CNOT4: variants seen among roughly 807,000 people sequenced by gnomAD.
CNOT4 encodes CCR4-associated factor 4.
Under a neutral mutation model 73.8 loss-of-function variants are expected in CNOT4, and 8 were observed. The observed-to-expected ratio is 0.11, with a 90% CI of 0.06 to 0.20. The LOEUF is 0.20. CNOT4 is among the 10% of genes least tolerant of loss of function. The pLI, the probability that CNOT4 is intolerant of heterozygous loss-of-function variation, is 1.00. For synonymous variants in CNOT4, 293 were observed against 321.1 expected (o/e 0.91, Z 0.94); for missense variants, 564 against 883.4 (o/e 0.64, Z 4.58).
At chr7:135,485,503 A>C (rs554719453) in intron 1 of CNOT4, among the ~76,000 whole-genome samples, 2 of 152,382 alleles carry the variant, frequency 1.3e-5, no homozygotes, top group South Asian at 4.1e-4. Context: ...AAGGATAACT[A>C]TACCGCTACA....
chr7:135,462,900 T>C (rs1009555456), intron 1 of CNOT4, among the ~76,000 whole-genome samples: 2 of 152,224 alleles, frequency 1.3e-5, no homozygotes, highest in African/African-American at 4.8e-5. Flanking sequence ...AAGCAACGGA[T>C]TTTAAAGGGA....
Position 135,394,021 on chromosome 7 carries a change from G to C in CNOT4, c.1524C>G (p.Ile508Met). The C allele has an allele frequency of 6.2e-7, 1 of 1,614,072 alleles. No individual in the cohort carries two copies. Among genetic ancestry groups the C allele is most frequent in the Non-Finnish European group, 8.5e-7 (1 of 1,179,908 alleles). ...GGTTTGCTGTGTGGTTCAAGTGCAT[G>C]ATGCTATTGCGTGGAAAGGCCATCC... ...YPWMAFPRNS[I>M]MHLNHTANPT... The change falls in exon 10 of 12, where the codon ATC (isoleucine) becomes ATG (methionine). Residue 508 changes from isoleucine to methionine, a missense_variant. This residue lies in a region of CNOT4 where 153 missense variants were observed against 158.7 expected (regional missense o/e 0.96). Transcript: ENST00000541284.
chr7:135,484,844 T>C (rs1294325714), intron 1 of CNOT4, among the ~76,000 whole-genome samples: 1 of 152,126 alleles, frequency 6.6e-6, no homozygotes, highest in African/African-American at 2.4e-5. Flanking sequence ...ACAATGCTAT[T>C]CACAATTGCT....
rs539715716 is a variant in CNOT4 at position 135,437,282 on chromosome 7, C to T, written c.174+876G>A. Among the ~76,000 whole-genome samples the T allele has an allele frequency of 3.9e-5, 6 of 152,174 alleles. No homozygotes were observed. The East Asian group carries it at 5.8e-4, about 15-fold the overall frequency. ...TCGGCTCACTGCAAGCTCCGCCTTCCGGGTTCACGCCATTCTCCTGCCTCA... is the reference window on the plus strand; with the variant it reads ...TCGGCTCACTGCAAGCTCCGCCTTCTGGGTTCACGCCATTCTCCTGCCTCA... On this transcript the variant is annotated intron_variant, in intron 2 of 11. Coordinates refer to ENST00000541284, the MANE Select transcript of CNOT4 (RefSeq NM_001190850.2).
intron 1 of CNOT4, among the ~76,000 whole-genome samples, chr7:135,443,106 T>G (rs1404685022): frequency 6.6e-6 from 1 of 151,052 alleles, no homozygotes; most frequent in Non-Finnish European, 1.5e-5. Flanking sequence ...ACCCCAGCAC[T>G]TTTGGAGGCC....
At chr7:135,440,410 C>A (rs974604886) in intron 1 of CNOT4, among the ~76,000 whole-genome samples, 12 of 151,460 alleles carry the variant, frequency 7.9e-5, no homozygotes, top group African/African-American at 2.9e-4. Flanking sequence ...GATCAATGAT[C>A]TAGCGCCTCT....
chr7:135,485,626 G>T (rs1802668829), intron 1 of CNOT4, among the ~76,000 whole-genome samples: 1 of 152,052 alleles, frequency 6.6e-6, no homozygotes, highest in Non-Finnish European at 1.5e-5. Context: ...TCGCAATGAT[G>T]CACAAGCAAT....
intron 1 of CNOT4, among the ~76,000 whole-genome samples, chr7:135,502,752 G>T (rs191494047): frequency 6.8e-6 from 1 of 147,186 alleles, no homozygotes; most frequent in African/African-American, 2.5e-5. Context: ...GGAGGTGGAG[G>T]TTGCAGTGAG....
chr7:135,387,517 A>C (rs1412435056), intron 10 of CNOT4: 1 of 974,728 alleles, frequency 1.0e-6, no homozygotes, highest in Non-Finnish European at 1.2e-6. Context: ...TTCAATCTCT[A>C]GGCTTCTTTT....
chr7:135,414,193 T>A, intron 5 of CNOT4, 138 bp downstream of exon 5: 1 of 448,034 alleles, frequency 2.2e-6, no homozygotes, highest in Non-Finnish European at 3.9e-6. Context: ...TTAGCTATAA[T>A]AGATGGTATG....
At chr7:135,386,862 G>C (rs769352756) in intron 10 of CNOT4, 10 of 155,588 alleles carry the variant, frequency 6.4e-5, no homozygotes, top group South Asian at 2.0e-4. Context: ...CTATGAATGA[G>C]AAAGGAAAGA....
At chr7:135,438,641 T>G (rs1008627894) in intron 1 of CNOT4, among the ~76,000 whole-genome samples, 1 of 152,176 alleles carries the variant, frequency 6.6e-6, no homozygotes, top group African/African-American at 2.4e-5. Context: ...AAAAAAGAAC[T>G]TCCCTTTTTT....
intron 8 of CNOT4, among the ~76,000 whole-genome samples, chr7:135,396,608 T>C (rs2129483486): frequency 6.6e-6 from 1 of 152,330 alleles, no homozygotes; most frequent in African/African-American, 2.4e-5. Flanking sequence ...AAGAAAGATC[T>C]AATTAAGTTG....
At chr7:135,453,846 A>ATATATATATATT (rs901694822) in intron 1 of CNOT4, among the ~76,000 whole-genome samples, 4 of 123,268 alleles carry the variant, frequency 3.2e-5, no homozygotes, top group Non-Finnish European at 5.3e-5. Flanking sequence ...ATATATATAT[A>ATATATATATATT]TTATATATAT....
chr7:135,422,500 T>C, intron 2 of CNOT4, 147 bp from the exon 3 acceptor site: 2 of 544,112 alleles, frequency 3.7e-6, no homozygotes, highest in Non-Finnish European at 6.5e-6. Flanking sequence ...AAAATTTTTT[T>C]ATTTAATAAA....
intron 4 of CNOT4, 129 bp downstream of exon 4, chr7:135,415,047 A>AGT: frequency 1.5e-6 from 1 of 646,558 alleles, no homozygotes; most frequent in Non-Finnish European, 2.8e-6. Flanking sequence ...CCACCAACAG[A>AGT]GGTCACTACA....
intron 1 of CNOT4, among the ~76,000 whole-genome samples, chr7:135,507,606 CT>C (rs1209735895): frequency 6.6e-6 from 1 of 151,892 alleles, no homozygotes; most frequent in Non-Finnish European, 1.5e-5. Flanking sequence ...AGACAAATAC[CT>C]TTTTTTAAAA....
At chr7:135,433,271 G>A (rs1246502259) in intron 2 of CNOT4, among the ~76,000 whole-genome samples, 1 of 147,132 alleles carries the variant, frequency 6.8e-6, no homozygotes, top group African/African-American at 2.5e-5. Flanking sequence ...CTTTCCTTCA[G>A]TTATTTTTGC....
intron 1 of CNOT4, among the ~76,000 whole-genome samples, chr7:135,446,070 T>C (rs1205134958): frequency 6.6e-6 from 1 of 152,108 alleles, no homozygotes; most frequent in Non-Finnish European, 1.5e-5. Context: ...TCTATATAGA[T>C]GGGGTCTCCC....
Sources: gnomAD v4.1 joint callset for allele counts (sites outside exome capture counted in the v4.1 genomes callset) on GRCh38, gnomAD v4.1.1 for gene constraint, gnomAD v4.1.1 regional missense constraint, MANE v1.5 for transcripts, NCBI Gene and HGNC (gene_info 2026-07-23, HGNC 2026-07-21) for gene names.